TANC2: variants seen among roughly 807,000 people sequenced by gnomAD.
TANC2 encodes the protein protein TANC2.
A neutral mutation model predicts 210.5 loss-of-function variants in TANC2; 26 were observed. The observed-to-expected ratio is 0.12, with a 90% CI of 0.09 to 0.17. The LOEUF (loss-of-function observed/expected upper bound fraction) is 0.17, where lower values mean the gene tolerates loss of function less well. TANC2 is among the 10% of genes least tolerant of loss of function. TANC2 has a pLI of 1.00. For synonymous variants in TANC2, 931 were observed against 967.1 expected (o/e 0.96, Z 0.69); for missense variants, 2,129 against 2,608.9 (o/e 0.82, Z 4.01).
chr17:63,222,837 G>T (rs1372680650), intron 7 of TANC2, among the ~76,000 whole-genome samples: 3 of 152,090 alleles, frequency 2.0e-5, no homozygotes, highest in Non-Finnish European at 2.9e-5. Flanking sequence ...CTACATGAAT[G>T]TTCCCAGCAG....
intron 9 of TANC2, among the ~76,000 whole-genome samples, chr17:63,289,679 C>T (rs1039613368): frequency 6.6e-6 from 1 of 152,170 alleles, no homozygotes; most frequent in African/African-American, 2.4e-5. Flanking sequence ...TACATCTCTG[C>T]CATGTCTGGT....
chr17:63,087,927 T>C (rs992033420), intron 3 of TANC2, among the ~76,000 whole-genome samples: 1 of 152,196 alleles, frequency 6.6e-6, no homozygotes, highest in African/African-American at 2.4e-5. Context: ...GAGTTGTTGA[T>C]TTTTCAACGT....
At chr17:63,398,718 T>C in intron 18 of TANC2, 103 bp from the exon 19 acceptor site, 1 of 682,722 alleles carries the variant, frequency 1.5e-6, no homozygotes, top group Non-Finnish European at 2.5e-6. Context: ...GCAAGAGATT[T>C]AGTGATACTT....
At chr17:63,222,823 G>A (rs189527563) in intron 7 of TANC2, among the ~76,000 whole-genome samples, 6 of 152,110 alleles carry the variant, frequency 3.9e-5, no homozygotes, top group African/African-American at 1.4e-4. Flanking sequence ...TAGTCAAACA[G>A]ATACTACATG....
intron 7 of TANC2, among the ~76,000 whole-genome samples, chr17:63,215,317 T>C (rs979060082): frequency 6.6e-6 from 1 of 152,234 alleles, no homozygotes; most frequent in Non-Finnish European, 1.5e-5. Context: ...AATCGTCTTT[T>C]ATTGAACAAT....
At chr17:63,180,742 A>G (rs1306915567) in intron 5 of TANC2, among the ~76,000 whole-genome samples, 1 of 152,106 alleles carries the variant, frequency 6.6e-6, no homozygotes, top group Non-Finnish European at 1.5e-5. Flanking sequence ...AAGTAGGCAA[A>G]GGCCTGGCAT....
chr17:63,207,998 A>G (rs562514173), intron 7 of TANC2, among the ~76,000 whole-genome samples: 2 of 152,276 alleles, frequency 1.3e-5, no homozygotes, highest in East Asian at 1.9e-4. Flanking sequence ...ATCTTTTCAC[A>G]TGTTTATTAG....
chr17:63,362,245 C>CT (rs1488367045), intron 14 of TANC2, among the ~76,000 whole-genome samples: 2 of 152,196 alleles, frequency 1.3e-5, no homozygotes, highest in Non-Finnish European at 2.9e-5. Flanking sequence ...TGTCTCATCT[C>CT]TGTGAGTTTG....
chr17:62,987,861 G>A (rs2032650841), intron 1 of TANC2, among the ~76,000 whole-genome samples: 1 of 152,150 alleles, frequency 6.6e-6, no homozygotes, highest in African/African-American at 2.4e-5. Context: ...GGTGTCTCTA[G>A]TCAGCTATCT....
chr17:63,380,867 C>T (rs2047585876), intron 15 of TANC2, among the ~76,000 whole-genome samples: 1 of 152,196 alleles, frequency 6.6e-6, no homozygotes, highest in Admixed American at 6.5e-5. Flanking sequence ...GTATTTGAAT[C>T]TTACTTGTCT....
intron 11 of TANC2, among the ~76,000 whole-genome samples, chr17:63,327,085 C>G (rs1455121607): frequency 6.6e-6 from 1 of 152,110 alleles, no homozygotes; most frequent in Non-Finnish European, 1.5e-5. Context: ...AGACATTTCT[C>G]AAAAGAAGGC....
In TANC2 at chr17:63,418,355, C is replaced by G; in HGVS notation, c.4216C>G (p.Pro1406Ala). The change falls in exon 27 of 28, where the codon CCG (proline) becomes GCG (alanine). Residue 1406 changes from proline to alanine, a missense_variant. Transcript: ENST00000689528. The surrounding 1 kb of genome is among the most constrained non-coding windows in gnomAD (Gnocchi z 4.6). The stretch of plus-strand genomic sequence containing the variant: ...TGCTACTAAGGCCCTGGAGCTGAAA[C>G]CGAAATCTTATGAAGCTTACTATGC... 1 of 1,613,412 alleles carries G rather than the reference C, an allele frequency of 6.2e-7. No individual in the cohort carries two copies. Among genetic ancestry groups the G allele is most frequent in the Non-Finnish European group, 8.5e-7 (1 of 1,179,720 alleles).
intron 5 of TANC2, among the ~76,000 whole-genome samples, chr17:63,174,771 A>G (rs1453579857): frequency 1.3e-5 from 2 of 152,212 alleles, no homozygotes; most frequent in Non-Finnish European, 2.9e-5. Flanking sequence ...ACATATATAA[A>G]TGTGTTCAGA....
At chr17:62,986,353 C>T (rs1758103901) in intron 1 of TANC2, among the ~76,000 whole-genome samples, 1 of 152,142 alleles carries the variant, frequency 6.6e-6, no homozygotes, top group Non-Finnish European at 1.5e-5. Flanking sequence ...ACGTGCCTGC[C>T]AGGAGCAGCC....
chr17:63,232,233 AC>A (rs2042496780), intron 7 of TANC2, among the ~76,000 whole-genome samples: 1 of 152,178 alleles, frequency 6.6e-6, no homozygotes, highest in African/African-American at 2.4e-5. Flanking sequence ...GTTATTACCC[AC>A]CTTCTGAAGT....
intron 11 of TANC2, among the ~76,000 whole-genome samples, chr17:63,336,913 CTTT>C (rs2046050584): frequency 6.6e-6 from 1 of 152,172 alleles, no homozygotes. Flanking sequence ...TGTATGATGA[CTTT>C]CTCAAAGGTG....
At chr17:63,357,416 G>A (rs550068161) in intron 14 of TANC2, among the ~76,000 whole-genome samples, 3 of 152,204 alleles carry the variant, frequency 2.0e-5, no homozygotes, top group African/African-American at 7.2e-5. Flanking sequence ...GAGTTTTGCA[G>A]CAACCGACTG....
At chr17:63,357,389 C>A (rs950453407) in intron 14 of TANC2, among the ~76,000 whole-genome samples, 1 of 152,336 alleles carries the variant, frequency 6.6e-6, no homozygotes, top group Non-Finnish European at 1.5e-5. Context: ...GCCTTCTCAA[C>A]ATCGCATTTT....
At chr17:63,118,776 ATTTTTT>A (rs1162117818) in intron 4 of TANC2, among the ~76,000 whole-genome samples, 1 of 125,674 alleles carries the variant, frequency 8.0e-6, no homozygotes, top group Non-Finnish European at 1.7e-5. Flanking sequence ...TATCCAACTA[ATTTTTT>A]TTTTTTTTTT....
Sources: gnomAD v4.1 joint callset for allele counts (sites outside exome capture counted in the v4.1 genomes callset) on GRCh38, gnomAD v4.1.1 for gene constraint, Gnocchi (gnomAD v3.1) non-coding constraint, MANE v1.5 for transcripts, NCBI Gene and HGNC (gene_info 2026-07-23, HGNC 2026-07-21) for gene names.